Variants in CHODL observed in about 807,000 individuals in gnomAD.
CHODL encodes the protein transmembrane protein MT75.
A neutral mutation model predicts 34.5 loss-of-function variants in CHODL; 29 were observed. The ratio of observed to expected loss-of-function variants is 0.84; its 90% CI spans 0.63 to 1.15. CHODL has a LOEUF of 1.15. Ranked by LOEUF, CHODL falls within the 50% of genes most tolerant of loss-of-function variation. The probability of loss-of-function intolerance (pLI) is 0.00; values close to 1 mark genes in which losing one functional copy is unlikely to be tolerated. For missense variants in CHODL, 332 were observed against 332.5 expected, an observed-to-expected ratio of 1.00 and a Z score of 0.01; for synonymous variants, 125 against 116.1, an observed-to-expected ratio of 1.08 and a Z score of -0.49.
chr21:18,032,786 A>C (rs929477884), intron 2 of CHODL, among the ~76,000 whole-genome samples: 1 of 152,038 alleles, frequency 6.6e-6, no homozygotes, highest in Admixed American at 6.6e-5. Flanking sequence ...AATTCCATCG[A>C]CATGTAGTTT....
intron 2 of CHODL, among the ~76,000 whole-genome samples, chr21:18,130,494 C>T (rs1425139687): frequency 6.6e-6 from 1 of 151,996 alleles, no homozygotes; most frequent in East Asian, 1.9e-4. Context: ...TGTGTCAATA[C>T]AAATAGTTTT....
At chr21:18,099,294 C>T (rs2065181484) in intron 2 of CHODL, among the ~76,000 whole-genome samples, 1 of 151,930 alleles carries the variant, frequency 6.6e-6, no homozygotes, top group Non-Finnish European at 1.5e-5. Flanking sequence ...CTTAATTTTC[C>T]ATGATGTGGT....
intron 2 of CHODL, among the ~76,000 whole-genome samples, chr21:18,176,668 C>T (rs572620064): frequency 1.3e-5 from 2 of 152,168 alleles, no homozygotes; most frequent in East Asian, 3.9e-4. Flanking sequence ...AAAACTATTG[C>T]AGAAAAGTAT....
At chr21:17,958,965 T>C (rs2063512750) in intron 1 of CHODL, among the ~76,000 whole-genome samples, 1 of 152,132 alleles carries the variant, frequency 6.6e-6, no homozygotes. Flanking sequence ...TGGATATTTT[T>C]CCTCTCCTTA....
chr21:18,153,164 A>G (rs1310439938), intron 2 of CHODL, among the ~76,000 whole-genome samples: 1 of 152,210 alleles, frequency 6.6e-6, no homozygotes, highest in East Asian at 1.9e-4. Context: ...ATCCAGGCAC[A>G]GCTTAGCTCA....
At chr21:18,048,647 T>C (rs2146464769) in intron 2 of CHODL, among the ~76,000 whole-genome samples, 1 of 152,108 alleles carries the variant, frequency 6.6e-6, no homozygotes, top group East Asian at 1.9e-4. Context: ...ATCTTTGAAC[T>C]TCAAAATGAA....
At chr21:18,147,224 G>T (rs559612383) in intron 2 of CHODL, among the ~76,000 whole-genome samples, 1 of 152,188 alleles carries the variant, frequency 6.6e-6, no homozygotes, top group South Asian at 2.1e-4. Flanking sequence ...GTTCTGGTTT[G>T]GTTATGTGTG....
At chr21:18,252,924 G>C (rs2074275064) in intron 1 of CHODL, among the ~76,000 whole-genome samples, 1 of 152,152 alleles carries the variant, frequency 6.6e-6, no homozygotes, top group African/African-American at 2.4e-5. Flanking sequence ...ACACAGCCTG[G>C]CACAGAGAGT....
At position 17,963,450 on chromosome 21, in the gene CHODL, G is replaced by A. The variant is rs1030658128; in HGVS notation, c.-145+46050G>A. ...ACATGGCTAGGGTGGCCTTACAATCGTGGCTGAAGGTGAAGAGGGGCAAAG... is the reference window on the plus strand; with the variant it reads ...ACATGGCTAGGGTGGCCTTACAATCATGGCTGAAGGTGAAGAGGGGCAAAG... On this transcript the variant is annotated intron_variant, in intron 1 of 6. Transcript: ENST00000400127. Among the ~76,000 whole-genome samples, 3 of 152,178 alleles carry A rather than the reference G, an allele frequency of 2.0e-5. No homozygotes were observed. In the East Asian group the frequency reaches 5.8e-4, roughly 29 times the overall value.
chr21:18,043,050 A>T (rs1346020033), intron 2 of CHODL, among the ~76,000 whole-genome samples: 1 of 152,028 alleles, frequency 6.6e-6, no homozygotes, highest in Non-Finnish European at 1.5e-5. Context: ...AAGACAAATT[A>T]TAACTGCAAG....
At chr21:18,080,267 T>C (rs971466365) in intron 2 of CHODL, among the ~76,000 whole-genome samples, 2 of 152,178 alleles carry the variant, frequency 1.3e-5, no homozygotes, top group Non-Finnish European at 2.9e-5. Context: ...GTAAATATCT[T>C]CTTCCATTCT....
intron 1 of CHODL, among the ~76,000 whole-genome samples, chr21:18,023,797 T>C (rs1436128563): frequency 6.6e-6 from 1 of 152,184 alleles, no homozygotes; most frequent in Non-Finnish European, 1.5e-5. Flanking sequence ...CCTCTCTTTC[T>C]CATACAGAAA....
At position 18,071,128 on chromosome 21, in the gene CHODL, T is replaced by G. The variant is rs375779277; in HGVS notation, c.-45+43157T>G. Among the ~76,000 whole-genome samples the G allele has an allele frequency of 3.3e-5, 5 of 150,664 alleles. No individual in the cohort carries two copies. In the East Asian group the frequency reaches 5.8e-4, roughly 18 times the overall value. On this transcript the variant is annotated intron_variant, in intron 2 of 6. Transcript: ENST00000400127. ...CCCTCAAAATCCTACTCTTCCTACT[T>G]TGGACTATAACTACAGCATTTTTTT... is the stretch of plus-strand genomic sequence containing the variant.
intron 2 of CHODL, among the ~76,000 whole-genome samples, chr21:18,035,199 C>T (rs2064295192): frequency 6.6e-6 from 1 of 151,926 alleles, no homozygotes; most frequent in South Asian, 2.1e-4. Flanking sequence ...ATCGCTTTTC[C>T]TTCATTCTGA....
At position 18,052,470 on chromosome 21, in the gene CHODL, TA is replaced by T. The variant is rs370755032; in HGVS notation, c.-45+24502del. 9.9e-5 allele frequency among the ~76,000 whole-genome samples: 15 copies of T among 152,086 alleles called. No individual in the cohort carries two copies. In the East Asian group the frequency reaches 2.5e-3, roughly 26 times the overall value. ...TTTATAGCCTGGCATCTTCTTTTGT[TA>T]AATAACAAAACATTTTGATAGTTCC... is the stretch of plus-strand genomic sequence containing the variant. On this transcript the variant is annotated intron_variant, in intron 2 of 6. Coordinates refer to the CHODL transcript ENST00000400127.
chr21:18,145,310 G>C (rs1008442769), intron 2 of CHODL, among the ~76,000 whole-genome samples: 1 of 148,634 alleles, frequency 6.7e-6, no homozygotes, highest in African/African-American at 2.5e-5. Flanking sequence ...GGTGGCGGGC[G>C]CCTGTAGTCC....
chr21:18,216,100 T>C (rs2073825296), intron 2 of CHODL, among the ~76,000 whole-genome samples: 1 of 152,166 alleles, frequency 6.6e-6, no homozygotes, highest in Admixed American at 6.6e-5. Context: ...ATGTTCCCTT[T>C]TCTTATTTCC....
intron 2 of CHODL, among the ~76,000 whole-genome samples, chr21:18,203,543 G>T (rs2073678828): frequency 6.6e-6 from 1 of 152,078 alleles, no homozygotes; most frequent in African/African-American, 2.4e-5. Context: ...GTATAAAGAA[G>T]CTTTCAGTTA....
intron 1 of CHODL, among the ~76,000 whole-genome samples, chr21:17,952,409 A>G (rs1406467638): frequency 6.6e-6 from 1 of 152,128 alleles, no homozygotes; most frequent in African/African-American, 2.4e-5. Flanking sequence ...TTCCTCTGCA[A>G]TAATGAATGC....
Sources: gnomAD v4.1 joint callset for allele counts (sites outside exome capture counted in the v4.1 genomes callset) on GRCh38, gnomAD v4.1.1 for gene constraint, MANE v1.5 for transcripts, NCBI Gene and HGNC (gene_info 2026-07-23, HGNC 2026-07-21) for gene names.